PDE3B: variants seen among roughly 807,000 people sequenced by gnomAD.
PDE3B encodes the protein phosphodiesterase 3B, also known as cGMP-inhibited 3',5'-cyclic phosphodiesterase 3B.
PDE3B carries 66 observed loss-of-function variants against 116.8 expected under a neutral mutation model. The observed-to-expected ratio is 0.56, with a 90% CI of 0.46 to 0.69. The LOEUF (loss-of-function observed/expected upper bound fraction) is 0.69, where lower values mean the gene tolerates loss of function less well. Ranked by LOEUF, PDE3B falls within the 30% of genes least tolerant of loss-of-function variation. PDE3B has a pLI of 0.00. For synonymous variants in PDE3B, 595 were observed against 533.6 expected (o/e 1.12, Z -1.59); for missense variants, 1,384 against 1,368.1 (o/e 1.01, Z -0.18).
chr11:14,876,011 T>C (rs926034929), downstream of PDE3B, among the ~76,000 whole-genome samples: 1 of 152,150 alleles, frequency 6.6e-6, no homozygotes, highest in Non-Finnish European at 1.5e-5. Context: ...GCAGCAGTAG[T>C]GGTGTACTCA....
At chr11:14,809,731 G>C (rs1010140129) in intron 5 of PDE3B, among the ~76,000 whole-genome samples, 1 of 152,154 alleles carries the variant, frequency 6.6e-6, no homozygotes, top group Non-Finnish European at 1.5e-5. Context: ...TAGCTATCCT[G>C]TCAGCCATGT....
intron 1 of PDE3B, among the ~76,000 whole-genome samples, chr11:14,688,309 C>T (rs1477401229): frequency 1.3e-5 from 2 of 152,164 alleles, no homozygotes; most frequent in Non-Finnish European, 2.9e-5. Flanking sequence ...ATCTTCAGAA[C>T]ATCAGAGTTG....
chr11:14,818,158 A>G (rs1232686085), intron 5 of PDE3B, 25 bp from the exon 6 acceptor site: 6 of 1,423,312 alleles, frequency 4.2e-6, no homozygotes, highest in African/African-American at 1.4e-5. Context: ...TTATTTATCT[A>G]TCTCCTTTCT....
intron 1 of PDE3B, among the ~76,000 whole-genome samples, chr11:14,657,546 C>A (rs1404110073): frequency 6.6e-6 from 1 of 152,086 alleles, no homozygotes; most frequent in East Asian, 1.9e-4. Flanking sequence ...CGGGAAAATA[C>A]TTACATACAC....
In PDE3B at chr11:14,713,695, T is replaced by TACACAC. The variant is rs68083046; in HGVS notation, c.979-58215_979-58210dup. ...CTACTTCCTTATAATAAAAAATCTT[T>TACACAC]ACACACACACACACACACACACACA... On this transcript the variant is annotated intron_variant, in intron 1 of 15. Coordinates refer to ENST00000282096, the MANE Select transcript of PDE3B (RefSeq NM_000922.4). 2.7e-3 allele frequency among the ~76,000 whole-genome samples: 402 copies of TACACAC among 149,878 alleles called. 1 individual carries two copies. The highest frequency in any genetic ancestry group is 9.0e-3 in the African/African-American group (365 of 40,770).
rs1859434830 is a variant in PDE3B at position 14,819,169 on chromosome 11, A to G, written c.1767A>G (p.Thr589=). 2 of 1,599,206 alleles carry G rather than the reference A, an allele frequency of 1.3e-6. No individual in the cohort carries two copies. Among genetic ancestry groups the G allele is most frequent in the Non-Finnish European group, 8.5e-7 (1 of 1,170,130 alleles). ...CGHQMLKYVS[T]SESDGTDCCS... The stretch of plus-strand genomic sequence containing the variant: ...ATCAAATGCTGAAATATGTTTCAAC[A>G]TCTGAATCAGATGGTACAGATTGCT... The change falls in exon 7 of 16, where the codon ACA becomes ACG. Residue 589 remains threonine, a synonymous_variant. Transcript: ENST00000282096.
chr11:14,846,475 A>AT (rs2094894330), intron 12 of PDE3B, among the ~76,000 whole-genome samples: 1 of 152,230 alleles, frequency 6.6e-6, no homozygotes, highest in Admixed American at 6.5e-5. Context: ...ACAGGATCAA[A>AT]TTCACACATA....
Position 14,786,515 on chromosome 11 carries a change from C to T in PDE3B, c.1108C>T (p.Pro370Ser). 1.2e-6 allele frequency: 2 copies of T among 1,612,524 alleles called. No individual in the cohort carries two copies. The highest frequency in any genetic ancestry group is 4.5e-5 in the East Asian group (2 of 44,856). ...RNMVSDLLTD[P>S]SLPPQVISSL... ...TATGGTGTCAGATCTTCTGACTGAT[C>T]CAAGCCTTCCACCACAAGTCATTTC... Residue 370 changes from proline (P) to serine (S), a missense_variant, in exon 3 of 16, where the codon CCA becomes TCA. Pro to Ser is a moderately conservative substitution (Grantham distance 74). Transcript: ENST00000282096.
chr11:14,705,354 T>A (rs1855497773), intron 1 of PDE3B, among the ~76,000 whole-genome samples: 1 of 151,782 alleles, frequency 6.6e-6, no homozygotes, highest in South Asian at 2.1e-4. Flanking sequence ...TCTTAAAACA[T>A]TAACAAAAAC....
chr11:14,775,939 C>T (rs1423944423), intron 2 of PDE3B: 1 of 152,118 alleles, frequency 6.6e-6, no homozygotes, highest in African/African-American at 2.4e-5. Context: ...CATGTGTTAC[C>T]ATATGTAACT....
At chr11:14,848,380 T>G (rs1385679237) in intron 12 of PDE3B, among the ~76,000 whole-genome samples, 3 of 146,178 alleles carry the variant, frequency 2.1e-5, no homozygotes, top group Non-Finnish European at 4.5e-5. Context: ...ACAGCCAATA[T>G]CATACTGAAT....
At chr11:14,846,845 C>T (rs1044594902) in intron 12 of PDE3B, among the ~76,000 whole-genome samples, 2 of 152,042 alleles carry the variant, frequency 1.3e-5, no homozygotes, top group Admixed American at 6.6e-5. Flanking sequence ...TAAAGCAAGT[C>T]CTGAGTAACC....
At chr11:14,892,191 C>G in the PDE3B span, 2 of 1,610,254 alleles carry the variant, frequency 1.2e-6, no homozygotes, top group Non-Finnish European at 1.7e-6. Flanking sequence ...CTTCAGCTCT[C>G]CAAAGCTTCC....
the PDE3B span, among the ~76,000 whole-genome samples, chr11:14,885,430 C>T: frequency 1.3e-5 from 2 of 152,150 alleles, no homozygotes; most frequent in African/African-American, 4.8e-5. Context: ...GTAAAAATGT[C>T]ACCAAGTACT....
the PDE3B span, chr11:14,891,450 T>G: frequency 1.0e-6 from 1 of 986,092 alleles, no homozygotes; most frequent in Non-Finnish European, 1.2e-6. Context: ...CGCTTCTCAG[T>G]CAGGGGCGTT....
chr11:14,653,406 A>T (rs552931666), intron 1 of PDE3B, among the ~76,000 whole-genome samples: 2 of 152,286 alleles, frequency 1.3e-5, no homozygotes, highest in Admixed American at 1.3e-4. Context: ...GTAATAAGGC[A>T]CTATGAATAA....
intron 12 of PDE3B, among the ~76,000 whole-genome samples, chr11:14,847,758 G>A (rs993095141): frequency 2.0e-5 from 3 of 152,100 alleles, no homozygotes; most frequent in Non-Finnish European, 4.4e-5. Flanking sequence ...TACATTCCTC[G>A]ACACATACAC....
chr11:14,726,408 T>C (rs1470266489), intron 1 of PDE3B, among the ~76,000 whole-genome samples: 1 of 152,190 alleles, frequency 6.6e-6, no homozygotes, highest in Non-Finnish European at 1.5e-5. Flanking sequence ...CATTTTTTTT[T>C]AGTGAATGAA....
At chr11:14,705,965 T>C (rs1448200891) in intron 1 of PDE3B, among the ~76,000 whole-genome samples, 2 of 151,910 alleles carry the variant, frequency 1.3e-5, no homozygotes, top group African/African-American at 2.4e-5. Context: ...TCAAATCTTT[T>C]ATGTGTGCCT....
Sources: gnomAD v4.1 joint callset for allele counts (sites outside exome capture counted in the v4.1 genomes callset) on GRCh38, gnomAD v4.1.1 for gene constraint, MANE v1.5 for transcripts, NCBI Gene and HGNC (gene_info 2026-07-23, HGNC 2026-07-21) for gene names.